RNF111: variants seen among roughly 807,000 people sequenced by gnomAD.
The protein encoded by RNF111 is E3 ubiquitin-protein ligase Arkadia.
RNF111 carries 17 observed loss-of-function variants against 95.1 expected under a neutral mutation model. The observed-to-expected ratio is 0.18, with a 90% CI of 0.12 to 0.27. RNF111 has a LOEUF of 0.27. RNF111 is among the 10% of genes least tolerant of loss of function. The probability of loss-of-function intolerance (pLI) is 1.00; values close to 1 mark genes in which losing one functional copy is unlikely to be tolerated. For missense variants in RNF111, 1,189 were observed against 1,210.4 expected, an observed-to-expected ratio of 0.98 and a Z score of 0.26; for synonymous variants, 440 against 414.8, an observed-to-expected ratio of 1.06 and a Z score of -0.74.
chr15:59,017,005 A>G (rs749126481), intron 1 of RNF111, among the ~76,000 whole-genome samples: 14 of 151,514 alleles, frequency 9.2e-5, no homozygotes, highest in Admixed American at 6.0e-4. Context: ...AGTTGGGACC[A>G]TCTAGTTGCA....
Position 59,091,050 on chromosome 15 carries a change from C to G in RNF111, c.2644-9C>G, listed in dbSNP as rs1938496313. 6.4e-7 allele frequency: 1 copy of G among 1,559,384 alleles called. No homozygotes were observed. Among genetic ancestry groups the G allele is most frequent in the Non-Finnish European group, 8.8e-7 (1 of 1,133,122 alleles). ...GGCTTTTACCAGTCATTATATTCTTCACTTTCAGGAACTGATTCATTTGGA... is the reference window on the plus strand; with the variant it reads ...GGCTTTTACCAGTCATTATATTCTTGACTTTCAGGAACTGATTCATTTGGA... On this transcript the variant is annotated splice_polypyrimidine_tract_variant and intron_variant, in intron 11 of 13. Transcript: ENST00000348370.
chr15:59,012,559 GA>G (rs1394083812), intron 1 of RNF111, among the ~76,000 whole-genome samples: 1 of 152,226 alleles, frequency 6.6e-6, no homozygotes, highest in African/African-American at 2.4e-5. Context: ...TGTTTATTTG[GA>G]AAATTACCAG....
intron 1 of RNF111, chr15:59,003,907 G>A (rs1168705153): frequency 6.3e-6 from 1 of 158,492 alleles, no homozygotes; most frequent in Non-Finnish European, 1.4e-5. Context: ...CTAATGTATT[G>A]TCAGTGATAC....
intron 10 of RNF111, 144 bp from the exon 11 acceptor site, chr15:59,089,523 A>G: frequency 1.6e-6 from 1 of 638,200 alleles, no homozygotes; most frequent in Non-Finnish European, 2.8e-6. Flanking sequence ...CAGAATGCTT[A>G]GTTGGAGTTA....
At chr15:59,047,021 C>T (rs1270884139) in intron 2 of RNF111, among the ~76,000 whole-genome samples, 8 of 151,980 alleles carry the variant, frequency 5.3e-5, no homozygotes, top group Non-Finnish European at 2.9e-5. Flanking sequence ...CGAGGTTTTG[C>T]CATGTTGCCC....
At chr15:59,007,859 G>C (rs2039611261) in intron 1 of RNF111, among the ~76,000 whole-genome samples, 1 of 152,030 alleles carries the variant, frequency 6.6e-6, no homozygotes, top group Non-Finnish European at 1.5e-5. Context: ...GAATATAAGA[G>C]TTTTTTATAT....
intron 3 of RNF111, among the ~76,000 whole-genome samples, chr15:59,053,051 A>G (rs910070300): frequency 1.3e-5 from 2 of 152,150 alleles, no homozygotes; most frequent in Non-Finnish European, 2.9e-5. Context: ...TTTCTGTTAG[A>G]ATCTACTTGT....
chr15:59,086,525 G>A (rs992769826), intron 10 of RNF111, among the ~76,000 whole-genome samples: 2 of 152,180 alleles, frequency 1.3e-5, no homozygotes, highest in Non-Finnish European at 2.9e-5. Flanking sequence ...CATACATTGC[G>A]TTTGCTGTTT....
At position 59,060,001 on chromosome 15, in the gene RNF111, C is replaced by G. The variant is rs527473733; in HGVS notation, c.1366+1451C>G. ...ATGTGGCTGGATCAGGAAGTATTCTCTCCCCTGGAAAACTGAGGGCAGAAT... is the reference window on the plus strand; with the variant it reads ...ATGTGGCTGGATCAGGAAGTATTCTGTCCCCTGGAAAACTGAGGGCAGAAT... On this transcript the variant is annotated intron_variant, in intron 5 of 13. Coordinates refer to ENST00000348370, the MANE Select transcript of RNF111 (RefSeq NM_017610.8). Among the ~76,000 whole-genome samples the G allele has an allele frequency of 3.3e-5, 5 of 152,316 alleles. No individual in the cohort carries two copies. In the South Asian group the frequency reaches 8.3e-4, roughly 25 times the overall value.
intron 4 of RNF111, among the ~76,000 whole-genome samples, chr15:59,057,454 C>T (rs1042569723): frequency 1.3e-5 from 2 of 152,170 alleles, no homozygotes; most frequent in Non-Finnish European, 1.5e-5. Flanking sequence ...AGAAAGTCAA[C>T]CCTCTCATTC....
chr15:59,003,143 T>C (rs2039397506), intron 1 of RNF111, among the ~76,000 whole-genome samples: 1 of 152,174 alleles, frequency 6.6e-6, no homozygotes, highest in African/African-American at 2.4e-5. Context: ...CGAGACAAGG[T>C]CTCACTCAGT....
At chr15:58,994,376 G>A (rs1239123191) in intron 1 of RNF111, among the ~76,000 whole-genome samples, 4 of 150,748 alleles carry the variant, frequency 2.7e-5, no homozygotes, top group African/African-American at 9.7e-5. Context: ...CAAACTTACC[G>A]AAAGATTTAA....
Position 58,987,757 on chromosome 15 carries a change from C to T in RNF111, c.-331C>T. The stretch of plus-strand genomic sequence containing the variant: ...TGTAGGGGAGCAGCGGCAGTGGCGG[C>T]GACGGCGAGGAGGTGTTCGGTTTGC... On this transcript the variant is annotated 5_prime_UTR_variant, in exon 1 of 14. Coordinates refer to ENST00000348370, the MANE Select transcript of RNF111 (RefSeq NM_017610.8). The T allele has an allele frequency of 5.7e-6, 1 of 176,952 alleles. No individual in the cohort carries two copies. The highest frequency in any genetic ancestry group is 1.2e-5 in the Non-Finnish European group (1 of 86,200). 11.0% of individuals were successfully genotyped at this position (176,952 alleles called of 1,614,324 possible). A position where few individuals can be genotyped will look rare whatever the true frequency, so the allele number is the denominator to read the frequency against.
At chr15:59,093,298 G>A in intron 13 of RNF111, 2 of 377,562 alleles carry the variant, frequency 5.3e-6, no homozygotes, top group South Asian at 3.9e-5. Context: ...AACTTAAACA[G>A]GGATCCAGAT....
At chr15:59,017,617 G>T (rs1277006904) in intron 1 of RNF111, among the ~76,000 whole-genome samples, 1 of 152,168 alleles carries the variant, frequency 6.6e-6, no homozygotes, top group African/African-American at 2.4e-5. Flanking sequence ...GAAACAGGAA[G>T]TTAAAATAAC....
chr15:59,071,298 CAAAAAAAA>C (rs35775103), intron 6 of RNF111, among the ~76,000 whole-genome samples: 41 of 95,036 alleles, frequency 4.3e-4, no homozygotes, highest in Admixed American at 1.6e-3. Flanking sequence ...GACTCCATCT[CAAAAAAAA>C]AAAAAAAAAA....
intron 1 of RNF111, among the ~76,000 whole-genome samples, chr15:59,009,589 C>A (rs951952602): frequency 5.9e-5 from 9 of 151,586 alleles, no homozygotes; most frequent in African/African-American, 1.9e-4. Flanking sequence ...TAATATAGAA[C>A]GATACCAAAA....
In RNF111 at chr15:59,038,335, C is replaced by A. The variant is rs2041284810; in HGVS notation, c.880+6633C>A. ...TAATAGCTGTATATATATATATTTTCCATGTGTAGTCCATACTGTATTGAC... is the reference window on the plus strand; with the variant it reads ...TAATAGCTGTATATATATATATTTTACATGTGTAGTCCATACTGTATTGAC... On this transcript the variant is annotated intron_variant, in intron 2 of 13. Coordinates refer to ENST00000348370, the MANE Select transcript of RNF111 (RefSeq NM_017610.8). Among the ~76,000 whole-genome samples the A allele has an allele frequency of 2.6e-5, 4 of 152,072 alleles. No homozygotes were observed. In the South Asian group the frequency reaches 8.3e-4, roughly 32 times the overall value.
chr15:59,019,301 A>G (rs972252067), intron 1 of RNF111, among the ~76,000 whole-genome samples: 2 of 152,114 alleles, frequency 1.3e-5, no homozygotes, highest in Admixed American at 6.6e-5. Context: ...AATGCAAACA[A>G]TATTACTTTG....
Sources: gnomAD v4.1 joint callset for allele counts (sites outside exome capture counted in the v4.1 genomes callset) on GRCh38, gnomAD v4.1.1 for gene constraint, MANE v1.5 for transcripts, NCBI Gene and HGNC (gene_info 2026-07-23, HGNC 2026-07-21) for gene names.